The following GIGYF2 variants were observed in gnomAD, a reference collection of about 807,000 sequenced individuals.
GIGYF2 encodes the protein GRB10-interacting GYF protein 2.
In GIGYF2, 25 loss-of-function variants were observed where a neutral mutation model predicts 208.1. The observed-to-expected ratio is 0.12, with a 90% confidence interval of 0.09 to 0.17. The LOEUF (loss-of-function observed/expected upper bound fraction) is 0.17, where lower values mean the gene tolerates loss of function less well. Among genes scored for constraint, GIGYF2 ranks in the 10% least tolerant of loss-of-function variants. The pLI is 1.00. For missense variants in GIGYF2, 1,302 were observed against 1,579.4 expected, an observed-to-expected ratio of 0.82 and a Z score of 2.98; for synonymous variants, 534 against 543.8, an observed-to-expected ratio of 0.98 and a Z score of 0.25.
intron 2 of GIGYF2, among the ~76,000 whole-genome samples, chr2:232,733,580 C>G (rs1038417354): frequency 1.3e-5 from 2 of 152,124 alleles, no homozygotes; most frequent in Non-Finnish European, 2.9e-5. Flanking sequence ...ACTTGGTCCC[C>G]AGTGCCGTGT....
At chr2:232,835,233 A>G (rs925254042) in intron 22 of GIGYF2, among the ~76,000 whole-genome samples, 13 of 152,076 alleles carry the variant, frequency 8.5e-5, no homozygotes, top group Admixed American at 8.5e-4. Flanking sequence ...TCTTTATCCA[A>G]TCCTCTGTTG....
intron 2 of GIGYF2, among the ~76,000 whole-genome samples, chr2:232,723,043 A>G (rs928723214): frequency 1.3e-5 from 2 of 152,158 alleles, no homozygotes; most frequent in Non-Finnish European, 2.9e-5. Flanking sequence ...CCTGGTCTCA[A>G]ACTCCTGGGC....
chr2:232,841,085 A>G (rs1401848997), intron 23 of GIGYF2, among the ~76,000 whole-genome samples: 2 of 152,110 alleles, frequency 1.3e-5, no homozygotes, highest in Non-Finnish European at 2.9e-5. Flanking sequence ...AAAAAAAAAA[A>G]AGAATTGAAC....
At chr2:232,761,302 G>A (rs1374885635) in intron 7 of GIGYF2, 94 bp from the exon 8 acceptor site, 9 of 795,412 alleles carry the variant, frequency 1.1e-5, no homozygotes, top group Non-Finnish European at 1.8e-5. Context: ...ATTTGAAGAA[G>A]AAATGCTTTT....
chr2:232,801,739 C>T (rs1359864885), intron 14 of GIGYF2, among the ~76,000 whole-genome samples: 1 of 152,086 alleles, frequency 6.6e-6, no homozygotes, highest in Non-Finnish European at 1.5e-5. Context: ...AAGAAAGAAA[C>T]ATTGTTTTGG....
Position 232,791,418 on chromosome 2 carries a change from A to G in GIGYF2, c.1254A>G (p.Leu418=), listed in dbSNP as rs772829296. 2.5e-6 allele frequency: 4 copies of G among 1,614,012 alleles called. No homozygotes were observed. The highest frequency in any genetic ancestry group is 3.4e-6 in the Non-Finnish European group (4 of 1,179,964). The change falls in exon 12 of 29, where the codon CTA becomes CTG. Residue 418 remains leucine, a synonymous_variant. Transcript: ENST00000373563. ...AGGAGACTCGGATGGAAAATAGTCT[A>G]CCAGCCAAAGTGCCCAGCAGAGGGG... ...AEEETRMENS[L]PAKVPSRGDE... is the part of the protein sequence containing the mutation.
At chr2:232,751,727 CTT>C (rs1273161322) in intron 5 of GIGYF2, among the ~76,000 whole-genome samples, 3 of 152,066 alleles carry the variant, frequency 2.0e-5, no homozygotes, top group African/African-American at 7.2e-5. Flanking sequence ...ATGTGGTAGA[CTT>C]TTATTCAACA....
intron 16 of GIGYF2, 31 bp from the exon 17 acceptor site, chr2:232,811,213 C>T: frequency 1.7e-6 from 2 of 1,186,300 alleles, no homozygotes; most frequent in Non-Finnish European, 2.5e-6. Flanking sequence ...TGTGGATTGA[C>T]AGGTTATACT....
chr2:232,796,016 A>G, intron 13 of GIGYF2, 46 bp from the exon 14 acceptor site: 1 of 1,412,866 alleles, frequency 7.1e-7, no homozygotes, highest in Non-Finnish European at 1.0e-6. Flanking sequence ...TACAAGTACT[A>G]ATTTAGGATC....
intron 5 of GIGYF2, among the ~76,000 whole-genome samples, chr2:232,752,081 T>C (rs1263101241): frequency 6.6e-6 from 1 of 152,224 alleles, no homozygotes; most frequent in Non-Finnish European, 1.5e-5. Flanking sequence ...CAGAAGATCA[T>C]CAGATCCGTT....
intron 3 of GIGYF2, among the ~76,000 whole-genome samples, chr2:232,744,658 A>C (rs1280985890): frequency 6.6e-6 from 1 of 151,322 alleles, no homozygotes; most frequent in African/African-American, 2.4e-5. Context: ...CAGCCTCCTG[A>C]GTAGCTGGGA....
In GIGYF2 at chr2:232,834,931, G is replaced by A. The variant is rs114110065; in HGVS notation, c.2766+1838G>A. On this transcript the variant is annotated intron_variant, in intron 22 of 28. Transcript: ENST00000373563. ...CACAGTGGTGAAGTCCAGGCTTTTCGTGTACTTATCTCCTAAATAGTGAGC... is the reference window on the plus strand; with the variant it reads ...CACAGTGGTGAAGTCCAGGCTTTTCATGTACTTATCTCCTAAATAGTGAGC... Among the ~76,000 whole-genome samples the A allele has an allele frequency of 4.9e-3, 739 of 152,068 alleles. 3 individuals are homozygous for A. The highest frequency in any genetic ancestry group is 0.017 in the African/African-American group (698 of 41,476).
chr2:232,812,875 C>T (rs907219533), intron 18 of GIGYF2, among the ~76,000 whole-genome samples: 2 of 151,962 alleles, frequency 1.3e-5, no homozygotes, highest in Admixed American at 1.3e-4. Flanking sequence ...GTGGTGTGTG[C>T]CTGTAGTGCT....
At chr2:232,726,446 A>G (rs1697207317) in intron 2 of GIGYF2, among the ~76,000 whole-genome samples, 1 of 152,072 alleles carries the variant, frequency 6.6e-6, no homozygotes, top group Admixed American at 6.6e-5. Context: ...AAAATTTTAA[A>G]AAGAGCAAAG....
At position 232,760,174 on chromosome 2, in the gene GIGYF2, T is replaced by C. The variant is rs1208595302; in HGVS notation, c.380-306T>C. 3 of 217,866 alleles carry C rather than the reference T, an allele frequency of 1.4e-5. No individual in the cohort carries two copies. In the Admixed American group the frequency reaches 1.6e-4, roughly 11 times the overall value. 13.5% of individuals were successfully genotyped at this position (217,866 alleles called of 1,614,324 possible). On this transcript the variant is annotated intron_variant, in intron 6 of 28. Coordinates refer to ENST00000373563, the MANE Select transcript of GIGYF2 (RefSeq NM_001103146.3). ...AATCTACGGTAGTGTTTTATTGAAC[T>C]TCTTAGAATTTCACTATTCAACTGT...
chr2:232,745,140 G>T (rs963183447), intron 3 of GIGYF2, among the ~76,000 whole-genome samples: 1 of 152,014 alleles, frequency 6.6e-6, no homozygotes, highest in Non-Finnish European at 1.5e-5. Flanking sequence ...TTCCTTTGTG[G>T]GTATGTTGTT....
chr2:232,835,400 T>G (rs1244440572), intron 22 of GIGYF2, among the ~76,000 whole-genome samples: 1 of 152,176 alleles, frequency 6.6e-6, no homozygotes, highest in Non-Finnish European at 1.5e-5. Flanking sequence ...CTTCCTTAGG[T>G]TCCCTGAACA....
chr2:232,804,274 G>A (rs1268825342), intron 14 of GIGYF2, among the ~76,000 whole-genome samples: 1 of 137,228 alleles, frequency 7.3e-6, no homozygotes. Flanking sequence ...TTTAGTTCAT[G>A]AACTTGGTAT....
rs184997646 is a variant in GIGYF2, at chr2:232,846,438, C to A, written c.3460+552C>A. 2.4e-3 allele frequency among the ~76,000 whole-genome samples: 365 copies of A among 152,172 alleles called. 3 individuals carry two copies. The highest frequency in any genetic ancestry group is 8.5e-3 in the African/African-American group (353 of 41,420). On this transcript the variant is annotated intron_variant, in intron 26 of 28. Coordinates refer to ENST00000373563, the MANE Select transcript of GIGYF2 (RefSeq NM_001103146.3). ...GTTTACAAACAGAACTGTCTCCCAT[C>A]CCTGAATATTTGAAGAGAGACTGGT...
Sources: gnomAD v4.1 joint callset for allele counts (sites outside exome capture counted in the v4.1 genomes callset) on GRCh38, gnomAD v4.1.1 for gene constraint, MANE v1.5 for transcripts, NCBI Gene and HGNC (gene_info 2026-07-23, HGNC 2026-07-21) for gene names.